Variants in XG observed in about 807,000 individuals in gnomAD.
XG encodes glycoprotein Xg.
In XG, 24 loss-of-function variants were observed where a neutral mutation model predicts 25.7. That is an observed-to-expected ratio of 0.93 (90% CI 0.68 to 1.31). The LOEUF (loss-of-function observed/expected upper bound fraction) is 1.31. XG is among the 40% of genes most tolerant of loss of function. The pLI is 0.00. For synonymous variants in XG, 77 were observed against 69.2 expected, an observed-to-expected ratio of 1.11 and a Z score of -0.56; for missense variants, 181 against 187.6, an observed-to-expected ratio of 0.96 and a Z score of 0.21.
At chrX:2,805,845 T>A (rs1249503656) in intron 7 of XG, among the ~76,000 whole-genome samples, 3 of 111,764 alleles carry the variant, frequency 2.7e-5, no homozygotes, top group African/African-American at 9.8e-5. Context: ...ACAGTCACAG[T>A]CTGATGCCCT....
chrX:2,787,694 G>C (rs2086797360), intron 4 of XG, among the ~76,000 whole-genome samples: 1 of 110,440 alleles, frequency 9.1e-6, no homozygotes, highest in African/African-American at 3.3e-5. Context: ...ATCACCTGAA[G>C]TCAGGATTTC....
intron 1 of XG, among the ~76,000 whole-genome samples, chrX:2,766,082 C>T (rs751657135): frequency 6.4e-4 from 97 of 152,314 alleles, no homozygotes; most frequent in African/African-American, 2.2e-3. Context: ...TGATCCAATG[C>T]TAATGGCCTG....
At chrX:2,777,558 A>G (rs1243184731) in intron 3 of XG, among the ~76,000 whole-genome samples, 1 of 152,188 alleles carries the variant, frequency 6.6e-6, no homozygotes, top group Admixed American at 6.5e-5. Flanking sequence ...GCGCCACTGC[A>G]CTTCCGCCTG....
intron 1 of XG, among the ~76,000 whole-genome samples, chrX:2,755,584 T>TA (rs2050416823): frequency 6.6e-6 from 1 of 152,046 alleles, no homozygotes; most frequent in Non-Finnish European, 1.5e-5. Context: ...GCCCAGTAGG[T>TA]TTCAGCCTTC....
chrX:2,761,052 T>A (rs312231), intron 1 of XG, among the ~76,000 whole-genome samples: 7 of 151,874 alleles, frequency 4.6e-5, no homozygotes, highest in South Asian at 2.1e-4. Flanking sequence ...ACAAACACAT[T>A]TGTATTCCAA....
At chrX:2,775,031 T>C in intron 3 of XG, 1 of 416,338 alleles carries the variant, frequency 2.4e-6, no homozygotes, top group Non-Finnish European at 4.4e-6. Context: ...GGTGGGAGTC[T>C]AAAATGGTAC....
At chrX:2,768,240 T>G (rs1182824269) in intron 1 of XG, among the ~76,000 whole-genome samples, 2 of 152,114 alleles carry the variant, frequency 1.3e-5, no homozygotes, top group Non-Finnish European at 2.9e-5. Context: ...CTGGGATTGC[T>G]GGGATGGGCG....
chrX:2,782,037 C>T (rs1236489070), intron 3 of XG, 29 bp from the exon 4 acceptor site: 9 of 1,202,816 alleles, frequency 7.5e-6, no homozygotes, highest in Non-Finnish European at 1.0e-5. Flanking sequence ...ATTTTCTTTT[C>T]TAACAGTGCA....
intron 5 of XG, among the ~76,000 whole-genome samples, chrX:2,792,483 C>T (rs1373720237): frequency 9.1e-6 from 1 of 109,644 alleles, no homozygotes; most frequent in East Asian, 2.8e-4. Context: ...TACAGACACA[C>T]AGCACTCCAC....
At chrX:2,801,794 C>T (rs781677056) in intron 7 of XG, among the ~76,000 whole-genome samples, 13 of 110,761 alleles carry the variant, frequency 1.2e-4, no homozygotes, top group Admixed American at 3.8e-4. Context: ...CTGCAAGCTC[C>T]GCCTCCCGGG....
chrX:2,813,183 G>T (rs1328573488), intron 10 of XG, among the ~76,000 whole-genome samples: 1 of 109,923 alleles, frequency 9.1e-6, no homozygotes, highest in Non-Finnish European at 1.9e-5. Flanking sequence ...GTACTTCGAT[G>T]ATACCCTCAC....
chrX:2,769,212 C>T (rs979376836), intron 1 of XG, among the ~76,000 whole-genome samples: 1 of 152,234 alleles, frequency 6.6e-6, no homozygotes, highest in African/African-American at 2.4e-5. Flanking sequence ...AACCTTCCCC[C>T]AGAGCAAGCG....
intron 5 of XG, among the ~76,000 whole-genome samples, chrX:2,792,576 T>C (rs1447827559): frequency 6.4e-5 from 7 of 109,451 alleles, no homozygotes; most frequent in Non-Finnish European, 1.1e-4. Flanking sequence ...TGTGTATGTG[T>C]GTGTGTTGGG....
intron 4 of XG, among the ~76,000 whole-genome samples, chrX:2,786,372 A>G (rs1199950948): frequency 9.6e-6 from 1 of 103,822 alleles, no homozygotes; most frequent in South Asian, 4.6e-4. Flanking sequence ...GGTTCAAGCA[A>G]TTCTCCTGCC....
chrX:2,799,319 G>A (rs1278602307), intron 7 of XG, among the ~76,000 whole-genome samples: 4 of 111,329 alleles, frequency 3.6e-5, no homozygotes, highest in South Asian at 3.8e-4. Context: ...GAAAAATGAC[G>A]AGACGAGCGT....
At chrX:2,790,636 A>G (rs1354050310) in intron 5 of XG, among the ~76,000 whole-genome samples, 3 of 111,514 alleles carry the variant, frequency 2.7e-5, no homozygotes, top group Non-Finnish European at 5.6e-5. Flanking sequence ...CCCTGTTTCT[A>G]CTAAAAATAC....
At chrX:2,795,443 T>TTA (rs1337813827) in intron 6 of XG, among the ~76,000 whole-genome samples, 1 of 106,084 alleles carries the variant, frequency 9.4e-6, no homozygotes, top group Non-Finnish European at 1.9e-5. Flanking sequence ...GTGCCTTTAT[T>TTA]TATATATGTA....
chrX:2,812,007 G>C (rs747726389), intron 10 of XG, among the ~76,000 whole-genome samples: 1 of 111,864 alleles, frequency 8.9e-6, no homozygotes, highest in Non-Finnish European at 1.9e-5. Context: ...AAAAAGGAAA[G>C]AAAAAGAAAC....
chrX:2,754,990 G>C (rs1160100049), intron 1 of XG, among the ~76,000 whole-genome samples: 1 of 152,166 alleles, frequency 6.6e-6, no homozygotes, highest in African/African-American at 2.4e-5. Context: ...GGATTTGGAC[G>C]GGGGCAGCCG....
Sources: gnomAD v4.1 joint callset for allele counts (sites outside exome capture counted in the v4.1 genomes callset) on GRCh38, gnomAD v4.1.1 for gene constraint, MANE v1.5 for transcripts, NCBI Gene and HGNC (gene_info 2026-07-23, HGNC 2026-07-21) for gene names.